UHRF2: variants seen among roughly 807,000 people sequenced by gnomAD.
UHRF2 encodes ubiquitin like with PHD and ring finger domains 2.
In UHRF2, 23 loss-of-function variants were observed where a neutral mutation model predicts 96.8. That is an observed-to-expected ratio of 0.24 (90% CI 0.17 to 0.34). The LOEUF (loss-of-function observed/expected upper bound fraction) is 0.34, where lower values mean the gene tolerates loss of function less well. Ranked by LOEUF, UHRF2 falls within the 10% of genes least tolerant of loss-of-function variation. The pLI is 1.00. For missense variants in UHRF2, 685 were observed against 981.5 expected (o/e 0.70, Z 4.04); for synonymous variants, 385 against 332.6 (o/e 1.16, Z -1.72).
chr9:6,432,076 G>A (rs1820587640), intron 2 of UHRF2, among the ~76,000 whole-genome samples: 1 of 152,138 alleles, frequency 6.6e-6, no homozygotes, highest in African/African-American at 2.4e-5. Flanking sequence ...TGATTAGTAT[G>A]GGAGAAATGA....
At chr9:6,462,363 A>C (rs905342351) in intron 4 of UHRF2, among the ~76,000 whole-genome samples, 1 of 152,170 alleles carries the variant, frequency 6.6e-6, no homozygotes, top group African/African-American at 2.4e-5. Flanking sequence ...TTGAAAACTT[A>C]ACATTTTAGA....
In UHRF2 at chr9:6,413,757, C is replaced by A. The variant is rs1819426298; in HGVS notation, c.153+114C>A. 7.9e-6 allele frequency: 10 copies of A among 1,260,052 alleles called. No individual in the cohort carries two copies. In the South Asian group the frequency reaches 2.2e-4, roughly 28 times the overall value. The allele number at this position is 1,260,052 out of a possible 1,614,324, so 78.1% of individuals were successfully genotyped here. On this transcript the variant is annotated intron_variant, in intron 1 of 15. Coordinates refer to ENST00000276893, the MANE Select transcript of UHRF2 (RefSeq NM_152896.3). The stretch of plus-strand genomic sequence containing the variant: ...CGCGCGCGCAGGGCTCACCTGGCTC[C>A]GCTGCGGGTGGGCAGCCCCCGCGAG...
intron 9 of UHRF2, among the ~76,000 whole-genome samples, chr9:6,490,248 A>G (rs10739105): frequency 0.89 from 135,940 of 152,308 alleles, 60,990 homozygotes; most frequent in East Asian, 1. Flanking sequence ...TTTTATGTGG[A>G]GAAGATGATT....
intron 4 of UHRF2, among the ~76,000 whole-genome samples, chr9:6,467,168 A>G (rs886997731): frequency 3.0e-4 from 46 of 152,312 alleles, no homozygotes; most frequent in African/African-American, 1.0e-3. Context: ...TGTAGACTCT[A>G]AGGGAGAACC....
At chr9:6,481,799 G>GCAAGTTATA (rs1823944139) in intron 7 of UHRF2, 33 bp downstream of exon 7, 1 of 1,597,952 alleles carries the variant, frequency 6.3e-7, no homozygotes, top group African/African-American at 1.4e-5. Context: ...CTTCCTAATA[G>GCAAGTTATA]CAAGTTATAA....
At chr9:6,427,290 C>G (rs934366092) in intron 2 of UHRF2, among the ~76,000 whole-genome samples, 2 of 152,058 alleles carry the variant, frequency 1.3e-5, no homozygotes, top group Non-Finnish European at 2.9e-5. Flanking sequence ...TTCCTTCTGA[C>G]TGAAATATTC....
intron 4 of UHRF2, among the ~76,000 whole-genome samples, chr9:6,472,007 A>G (rs887614422): frequency 6.6e-6 from 1 of 152,218 alleles, no homozygotes; most frequent in Non-Finnish European, 1.5e-5. Flanking sequence ...ACATACAGTA[A>G]TATGTACTTA....
At chr9:6,432,047 A>AT (rs1201993048) in intron 2 of UHRF2, among the ~76,000 whole-genome samples, 2 of 152,190 alleles carry the variant, frequency 1.3e-5, no homozygotes, top group Admixed American at 6.5e-5. Flanking sequence ...AAGAGACTAA[A>AT]TGTCTTTAAA....
intron 4 of UHRF2, among the ~76,000 whole-genome samples, chr9:6,473,865 G>A (rs1166403540): frequency 6.6e-6 from 1 of 152,098 alleles, no homozygotes; most frequent in African/African-American, 2.4e-5. Context: ...CAAGAAATGC[G>A]AATGACAGAA....
At chr9:6,483,073 C>T (rs60428309) in intron 8 of UHRF2, among the ~76,000 whole-genome samples, 1 of 152,062 alleles carries the variant, frequency 6.6e-6, no homozygotes, top group Non-Finnish European at 1.5e-5. Context: ...CACCTGTAAT[C>T]TCAGCACTTT....
intron 4 of UHRF2, among the ~76,000 whole-genome samples, chr9:6,469,990 A>T (rs1368986159): frequency 1.3e-5 from 2 of 152,194 alleles, no homozygotes; most frequent in Non-Finnish European, 2.9e-5. Context: ...GCTAAAAACT[A>T]AAGATAACAC....
intron 14 of UHRF2, among the ~76,000 whole-genome samples, chr9:6,502,370 T>A (rs913155591): frequency 8.5e-5 from 13 of 152,320 alleles, no homozygotes; most frequent in Middle Eastern, 3.4e-3. Context: ...TGTCTCACTC[T>A]TTCATATCCT....
At chr9:6,426,007 A>G (rs1820239180) in intron 2 of UHRF2, among the ~76,000 whole-genome samples, 1 of 152,162 alleles carries the variant, frequency 6.6e-6, no homozygotes, top group African/African-American at 2.4e-5. Flanking sequence ...TTGGGCATTG[A>G]CAGGATGGAT....
intron 4 of UHRF2, among the ~76,000 whole-genome samples, chr9:6,463,884 T>A (rs1212768126): frequency 6.6e-6 from 1 of 152,216 alleles, no homozygotes; most frequent in Non-Finnish European, 1.5e-5. Flanking sequence ...ATTTTGGGGC[T>A]GTTAGAAACA....
intron 9 of UHRF2, 101 bp downstream of exon 9, chr9:6,487,026 G>C: frequency 9.0e-7 from 1 of 1,113,616 alleles, no homozygotes; most frequent in South Asian, 1.5e-5. Flanking sequence ...TGTCTTTTTA[G>C]CACAGTTTTT....
At chr9:6,499,804 C>T in intron 12 of UHRF2, 31 bp from the exon 13 acceptor site, 1 of 1,504,682 alleles carries the variant, frequency 6.6e-7, no homozygotes, top group South Asian at 1.2e-5. Context: ...CTTAAATCTG[C>T]ATTGTACTCT....
intron 5 of UHRF2, among the ~76,000 whole-genome samples, chr9:6,476,646 G>T (rs745345064): frequency 6.6e-6 from 1 of 152,160 alleles, no homozygotes; most frequent in Non-Finnish European, 1.5e-5. Context: ...CCAGGCTGGA[G>T]TGCAGTGGCG....
intron 4 of UHRF2, among the ~76,000 whole-genome samples, chr9:6,469,705 CATAT>C (rs1554630054): frequency 6.8e-6 from 1 of 147,772 alleles, no homozygotes; most frequent in South Asian, 2.1e-4. Context: ...TATATACATA[CATAT>C]ACACACATAT....
chr9:6,427,731 T>C (rs1031164552), intron 2 of UHRF2, among the ~76,000 whole-genome samples: 1 of 152,178 alleles, frequency 6.6e-6, no homozygotes, highest in Non-Finnish European at 1.5e-5. Context: ...TCAATATCAT[T>C]ATTTTGCTCT....
Sources: allele counts gnomAD v4.1 joint callset (sites outside exome capture counted in the v4.1 genomes callset), GRCh38; gene constraint gnomAD v4.1.1; transcripts MANE v1.5; gene names NCBI Gene and HGNC (gene_info 2026-07-23, HGNC 2026-07-21).